The following TLR5 variants were observed in gnomAD, a reference collection of about 807,000 sequenced individuals.
TLR5 encodes the protein toll like receptor 5, also known as toll-like receptor 5.
For missense variants in TLR5, 944 were observed against 999.8 expected, an observed-to-expected ratio of 0.94 and a Z score of 0.75; for synonymous variants, 373 against 384.4, an observed-to-expected ratio of 0.97 and a Z score of 0.35.
At chr1:223,122,234 C>T (rs1446703652) in intron 5 of TLR5, among the ~76,000 whole-genome samples, 1 of 152,142 alleles carries the variant, frequency 6.6e-6, no homozygotes, top group African/African-American at 2.4e-5. Flanking sequence ...GATGATAAAC[C>T]AACCTAAAAA....
At chr1:223,136,278 A>G (rs1657609223) in intron 3 of TLR5, among the ~76,000 whole-genome samples, 1 of 152,224 alleles carries the variant, frequency 6.6e-6, no homozygotes, top group South Asian at 2.1e-4. Flanking sequence ...AGACAGGCAC[A>G]AGAGTGCCTT....
chr1:223,116,577 CGGTGTGAAA>C (rs891390772), intron 5 of TLR5, among the ~76,000 whole-genome samples: 4 of 152,150 alleles, frequency 2.6e-5, no homozygotes, highest in African/African-American at 9.7e-5. Flanking sequence ...AAACCTTCCA[CGGTGTGAAA>C]GACGACCGCA....
At chr1:223,121,109 G>C (rs546665667) in intron 5 of TLR5, among the ~76,000 whole-genome samples, 4 of 152,170 alleles carry the variant, frequency 2.6e-5, no homozygotes, top group Non-Finnish European at 4.4e-5. Context: ...AGAAGGGTCA[G>C]TTGAATATTA....
chr1:223,141,804 TATATATATATATATATATAG>T (rs1402170337), intron 1 of TLR5, 41 bp from the exon 2 acceptor site: 150 of 88,130 alleles, frequency 1.7e-3, no homozygotes, highest in African/African-American at 3.9e-3. Context: ...TATATATATA[TATATATATATATATATATAG>T]AGAGAGAGAG....
In TLR5 at chr1:223,131,377, C is replaced by T. The variant is rs1657388637; in HGVS notation, c.-5+1098G>A. On this transcript the variant is annotated intron_variant, in intron 5 of 5. Transcript: ENST00000642603. This position sits in a 1 kb window ranked among gnomAD's most constrained non-coding sequence, Gnocchi z 4.2. ...TCACTGCCTTGTGCTCGAGATCTAA[C>T]TTGCCATTCTCAGAGTCTGCCCTCA... Among the ~76,000 whole-genome samples the T allele has an allele frequency of 6.6e-6, 1 of 152,214 alleles. No homozygotes were observed. The highest frequency in any genetic ancestry group is 2.1e-4 in the South Asian group (1 of 4,836).
Position 223,110,085 on chromosome 1 carries a change from A to AT in TLR5, c.*369dup. ...AGAACGCAGAATCATGGACCATCCC[A>AT]TTTTTTAGCTGAATGCTAGAGAAAG... On this transcript the variant is annotated 3_prime_UTR_variant, in exon 6 of 6. Coordinates refer to ENST00000642603, the MANE Select transcript of TLR5 (RefSeq NM_003268.6). 3.4e-6 allele frequency: 1 copy of AT among 290,176 alleles called. No individual in the cohort carries two copies. The highest frequency in any genetic ancestry group is 6.5e-6 in the Non-Finnish European group (1 of 153,880). 18.0% of individuals were successfully genotyped at this position (290,176 alleles called of 1,614,324 possible). A position where few individuals can be genotyped will look rare whatever the true frequency, so the allele number is the denominator to read the frequency against.
intron 4 of TLR5, 52 bp from the exon 5 acceptor site, chr1:223,132,691 T>C (rs1030545331): frequency 3.9e-5 from 6 of 152,374 alleles, no homozygotes; most frequent in African/African-American, 1.4e-4. Context: ...AAATATTATG[T>C]AGATATTTTT....
At chr1:223,116,417 C>G (rs988202821) in intron 5 of TLR5, among the ~76,000 whole-genome samples, 2 of 152,082 alleles carry the variant, frequency 1.3e-5, no homozygotes, top group African/African-American at 2.4e-5. Context: ...TCTTCCCATC[C>G]GGAGTTGTTC....
Position 223,134,413 on chromosome 1 carries a change from A to C in TLR5, c.-170+269T>G, listed in dbSNP as rs1020582782. The C allele has an allele frequency of 2.0e-5, 3 of 152,212 alleles. No individual in the cohort carries two copies. In the East Asian group the frequency reaches 5.8e-4, roughly 29 times the overall value. 9.4% of individuals were successfully genotyped at this position (152,212 alleles called of 1,614,324 possible). On this transcript the variant is annotated intron_variant, in intron 4 of 5. Transcript: ENST00000642603. ...CCGGAAAGCTTCCTGTGTTTTCTTT[A>C]CTATCTTTAGGTGGTGGTTCCCAGC...
rs753684778 is a variant in TLR5, at chr1:223,112,810, C to G, written c.222G>C (p.Leu74=). The G allele has an allele frequency of 2.2e-5, 36 of 1,612,010 alleles. No homozygotes were observed. The highest frequency in any genetic ancestry group is 2.5e-5 in the Non-Finnish European group (30 of 1,178,860). The change falls in exon 6 of 6, where the codon CTG becomes CTC. Residue 74 remains leucine, a synonymous_variant. Coordinates refer to ENST00000642603, the MANE Select transcript of TLR5 (RefSeq NM_003268.6). ...SSFPFLEQLQ[L]LELGSQYTPL... Reference sequence around the variant, plus strand: ...GGGTATACTGGCTCCCGAGCTCCAGCAGCTGCAGCTGTTCCAGAAAGGGGA... The same window carrying G: ...GGGTATACTGGCTCCCGAGCTCCAGGAGCTGCAGCTGTTCCAGAAAGGGGA...
In TLR5 at chr1:223,112,590, T is replaced by G. The variant is rs1404225055; in HGVS notation, c.442A>C (p.Thr148Pro). ...DGYFRNLKAL[T>P]RLDLSKNQIR... Reference sequence around the variant, plus strand: ...TGATTTTTGGATAGATCCAAGCGAGTTAAAGCCTTTAAATTTCTGAAATAA... The same window carrying G: ...TGATTTTTGGATAGATCCAAGCGAGGTAAAGCCTTTAAATTTCTGAAATAA... Residue 148 changes from threonine to proline, a missense_variant, in exon 6 of 6, where the codon ACT (threonine) becomes CCT (proline). Thr to Pro is a conservative substitution (Grantham distance 38, BLOSUM62 -1). Transcript: ENST00000642603. 2 of 1,614,174 alleles carry G rather than the reference T, an allele frequency of 1.2e-6. No homozygotes were observed. Among genetic ancestry groups the G allele is most frequent in the Non-Finnish European group, 1.7e-6 (2 of 1,180,028 alleles).
At chr1:223,127,406 A>T (rs1657212925) in intron 5 of TLR5, 1 of 152,222 alleles carries the variant, frequency 6.6e-6, no homozygotes, top group Admixed American at 6.5e-5. Context: ...GACCAATTCC[A>T]AAAGTAGGTA....
At position 223,140,640 on chromosome 1, in the gene TLR5, G is replaced by A. The variant is rs377293832; in HGVS notation, c.-439+1008C>T. Among the ~76,000 whole-genome samples the A allele has an allele frequency of 3.4e-3, 518 of 151,776 alleles. 1 individual carries two copies. The highest frequency in any genetic ancestry group is 5.6e-3 in the Non-Finnish European group (383 of 67,958). ...GGCAGGACCCACAGCCAGAATTCCC[G>A]GAAGGCAGGAATTTGAATTGGCTCT... is the stretch of plus-strand genomic sequence containing the variant. On this transcript the variant is annotated intron_variant, in intron 2 of 5. Transcript: ENST00000642603.
At chr1:223,140,936 G>A (rs1657812397) in intron 2 of TLR5, among the ~76,000 whole-genome samples, 1 of 152,226 alleles carries the variant, frequency 6.6e-6, no homozygotes. Flanking sequence ...TTGGACAGCA[G>A]GGACTATGCC....
At position 223,132,657 on chromosome 1, in the gene TLR5, AG is replaced by A. The variant is rs1657442229; in HGVS notation, c.-169-19del. 6.6e-6 allele frequency: 1 copy of A among 152,392 alleles called. No individual in the cohort carries two copies. Among genetic ancestry groups the A allele is most frequent in the African/African-American group, 2.4e-5 (1 of 41,470 alleles). The allele number at this position is 152,392 out of a possible 1,614,324, so 9.4% of individuals were successfully genotyped here. A position where few individuals can be genotyped will look rare whatever the true frequency, so the allele number is the denominator to read the frequency against. On this transcript the variant is annotated intron_variant, in intron 4 of 5. Transcript: ENST00000642603. ...TTGTTTTCCTAAGGGAAAATAGGAA[AG>A]CTAATTAAGAAGAAGAAACAAAAAA... is the stretch of plus-strand genomic sequence containing the variant.
chr1:223,126,654 C>G (rs1657178916), intron 5 of TLR5, among the ~76,000 whole-genome samples: 1 of 152,198 alleles, frequency 6.6e-6, no homozygotes, highest in South Asian at 2.1e-4. Flanking sequence ...AGCTAGTGGT[C>G]TCAGGCCATG....
intron 3 of TLR5, among the ~76,000 whole-genome samples, chr1:223,135,423 A>G (rs1657570031): frequency 6.6e-6 from 1 of 152,192 alleles, no homozygotes; most frequent in Non-Finnish European, 1.5e-5. Context: ...GGAGTCAGCT[A>G]GTTGATTTGG....
rs746333586 is a variant in TLR5, at chr1:223,111,000, C to T, written c.2032G>A (p.Val678Met). The T allele has an allele frequency of 6.2e-7, 1 of 1,614,228 alleles. No individual in the cohort carries two copies. Among genetic ancestry groups the T allele is most frequent in the South Asian group, 1.1e-5 (1 of 91,080 alleles). ...FICYKTAQRL[V>M]FKDHPQGTEP... Reference sequence around the variant, plus strand: ...GTGCCCTGGGGATGGTCCTTGAACACCAGTCTCTGGGCTGTCTTATAACAG... The same window carrying T: ...GTGCCCTGGGGATGGTCCTTGAACATCAGTCTCTGGGCTGTCTTATAACAG... The change falls in exon 6 of 6, where the codon GTG (valine) becomes ATG (methionine). Residue 678 changes from valine (V) to methionine (M), a missense_variant. Val to Met is a conservative substitution (Grantham distance 21). Coordinates refer to ENST00000642603, the MANE Select transcript of TLR5 (RefSeq NM_003268.6).
In TLR5 at chr1:223,111,719, A is replaced by G. The variant is rs780256869; in HGVS notation, c.1313T>C (p.Leu438Pro). The G allele has an allele frequency of 4.0e-5, 65 of 1,614,074 alleles. No homozygotes were observed. Among genetic ancestry groups the G allele is most frequent in the Non-Finnish European group, 5.1e-5 (60 of 1,180,042 alleles). Reference sequence around the variant, plus strand: ...CCGTAGGAGAAAGTAGAGAATATCTAGATTTTCTAGCCTGTTTTCTGATAA... The same window carrying G: ...CCGTAGGAGAAAGTAGAGAATATCTGGATTTTCTAGCCTGTTTTCTGATAA... Reference protein sequence around the residue: ...IHLSENRLENLDILYFLLRVP... With the variant: ...IHLSENRLENPDILYFLLRVP... The change falls in exon 6 of 6, where the codon CTA becomes CCA. Residue 438 changes from leucine to proline, a missense_variant. Leu to Pro is a moderately conservative substitution (Grantham distance 98). Transcript: ENST00000642603.
Sources: gnomAD v4.1 joint callset for allele counts (sites outside exome capture counted in the v4.1 genomes callset) on GRCh38, gnomAD v4.1.1 for gene constraint, Gnocchi (gnomAD v3.1) non-coding constraint, MANE v1.5 for transcripts, NCBI Gene and HGNC (gene_info 2026-07-23, HGNC 2026-07-21) for gene names.